Variants in TRIO observed in about 807,000 individuals in gnomAD.
TRIO encodes triple functional domain protein.
A neutral mutation model predicts 351.9 loss-of-function variants in TRIO; 58 were observed. That is an observed-to-expected ratio of 0.16 (90% CI 0.13 to 0.21). The LOEUF is 0.21. Ranked by LOEUF, TRIO falls within the 10% of genes least tolerant of loss-of-function variation. The pLI, the probability that TRIO is intolerant of heterozygous loss-of-function variation, is 1.00. For missense variants in TRIO, 3,201 were observed against 4,027.8 expected (o/e 0.79, Z 5.56); for synonymous variants, 1,758 against 1,595.7 (o/e 1.10, Z -2.42).
At chr5:14,462,026 T>C (rs2126502948) in intron 35 of TRIO, among the ~76,000 whole-genome samples, 1 of 152,344 alleles carries the variant, frequency 6.6e-6, no homozygotes, top group East Asian at 1.9e-4. Flanking sequence ...GTGGTGTCAA[T>C]GAGGGGTCCT....
At chr5:14,172,555 A>G (rs193226222) in intron 1 of TRIO, among the ~76,000 whole-genome samples, 44 of 152,306 alleles carry the variant, frequency 2.9e-4, no homozygotes, top group Admixed American at 5.2e-4. Flanking sequence ...TTAAACCAAA[A>G]CACAACTCTA....
chr5:14,474,298 T>G (rs1754888716), intron 40 of TRIO, among the ~76,000 whole-genome samples: 1 of 152,186 alleles, frequency 6.6e-6, no homozygotes, highest in South Asian at 2.1e-4. Flanking sequence ...TTGTCTCTTC[T>G]TCGTGCTGGT....
intron 2 of TRIO, among the ~76,000 whole-genome samples, chr5:14,271,881 G>T (rs1407623358): frequency 1.3e-5 from 2 of 152,136 alleles, no homozygotes; most frequent in Non-Finnish European, 2.9e-5. Context: ...TTCCTATGGT[G>T]TTTTTGCTAA....
chr5:14,506,645 G>A (rs1757708356), intron 55 of TRIO, among the ~76,000 whole-genome samples: 1 of 152,056 alleles, frequency 6.6e-6, no homozygotes, highest in Non-Finnish European at 1.5e-5. Flanking sequence ...TTTCAGAGGA[G>A]GAAGTCTTCT....
In TRIO at chr5:14,363,624, G is replaced by A. The variant is rs563883049; in HGVS notation, c.2392-108G>A. ...AACTCATGCATCTTAAGTGTTTGAC[G>A]TCTCTGTCCTTTGGCAGAGAGACAT... On this transcript the variant is annotated intron_variant, in intron 13 of 56. Transcript: ENST00000344204. 1.0e-4 allele frequency: 104 copies of A among 1,018,194 alleles called. 1 individual carries two copies. Among genetic ancestry groups the A allele is most frequent in the East Asian group, 6.3e-4 (26 of 41,398 alleles). The allele number at this position is 1,018,194 out of a possible 1,614,324, so 63.1% of individuals were successfully genotyped here. A position where few individuals can be genotyped will look rare whatever the true frequency, so the allele number is the denominator to read the frequency against.
At chr5:14,275,659 T>C (rs1735431566) in intron 2 of TRIO, among the ~76,000 whole-genome samples, 1 of 151,734 alleles carries the variant, frequency 6.6e-6, no homozygotes, top group African/African-American at 2.4e-5. Context: ...TTTCATCTTC[T>C]TCTCCCCGAG....
At chr5:14,488,721 G>A (rs750756164) in intron 48 of TRIO, 17 of 575,992 alleles carry the variant, frequency 3.0e-5, no homozygotes, top group Non-Finnish European at 5.3e-5. Context: ...CTCATCTGCT[G>A]GGGAAGACCA....
At chr5:14,230,342 G>T (rs1222709665) in intron 1 of TRIO, among the ~76,000 whole-genome samples, 1 of 14,388 alleles carries the variant, frequency 7.0e-5, no homozygotes, top group Non-Finnish European at 5.0e-4. Context: ...CAAGATGTTT[G>T]TGTGTGTGTG....
At chr5:14,235,842 T>A (rs913098928) in intron 1 of TRIO, among the ~76,000 whole-genome samples, 2 of 152,142 alleles carry the variant, frequency 1.3e-5, no homozygotes, top group African/African-American at 2.4e-5. Flanking sequence ...AAATTTTTTT[T>A]ATTAGAGTTG....
chr5:14,452,429 A>G (rs1171612853), intron 34 of TRIO, among the ~76,000 whole-genome samples: 1 of 152,224 alleles, frequency 6.6e-6, no homozygotes, highest in Non-Finnish European at 1.5e-5. Flanking sequence ...TTACACATCA[A>G]GAAACTGAAG....
At chr5:14,340,279 C>T (rs972916614) in intron 11 of TRIO, among the ~76,000 whole-genome samples, 1 of 152,100 alleles carries the variant, frequency 6.6e-6, no homozygotes, top group Middle Eastern at 3.4e-3. Flanking sequence ...CGCCTGTAGT[C>T]CCAGCTACTT....
At chr5:14,298,462 C>T (rs1283558879) in intron 7 of TRIO, among the ~76,000 whole-genome samples, 1 of 152,100 alleles carries the variant, frequency 6.6e-6, no homozygotes, top group African/African-American at 2.4e-5. Context: ...GTATATCTTC[C>T]TCAGGGTTAA....
chr5:14,335,404 T>C (rs1741302338), intron 10 of TRIO, among the ~76,000 whole-genome samples: 1 of 152,054 alleles, frequency 6.6e-6, no homozygotes, highest in Non-Finnish European at 1.5e-5. Context: ...TCCTGGGCCT[T>C]CTTAGAAGGC....
chr5:14,152,796 C>T (rs115493596), intron 1 of TRIO, among the ~76,000 whole-genome samples: 40 of 152,336 alleles, frequency 2.6e-4, no homozygotes, highest in Middle Eastern at 3.4e-3. Flanking sequence ...CTTTTACTCA[C>T]GTGCCAATTC....
At chr5:14,268,692 CCCT>C (rs1795828433) in intron 1 of TRIO, among the ~76,000 whole-genome samples, 1 of 152,190 alleles carries the variant, frequency 6.6e-6, no homozygotes, top group Non-Finnish European at 1.5e-5. Context: ...GTGATCTGTC[CCCT>C]CCTCATTTGC....
At position 14,498,505 on chromosome 5, in the gene TRIO, C is replaced by G. The variant is rs776314688; in HGVS notation, c.8211-14C>G. 2.5e-6 allele frequency: 4 copies of G among 1,612,560 alleles called. No individual in the cohort carries two copies. Among genetic ancestry groups the G allele is most frequent in the Non-Finnish European group, 2.5e-6 (3 of 1,178,872 alleles). On this transcript the variant is annotated splice_polypyrimidine_tract_variant and intron_variant, in intron 52 of 56. Coordinates refer to ENST00000344204, the MANE Select transcript of TRIO (RefSeq NM_007118.4). Reference sequence around the variant, plus strand: ...GCTTTTCTGATGCGCAGTGTGTTCCCATCTGTGCCGCAGTGACCTGGGAGA... The same window carrying G: ...GCTTTTCTGATGCGCAGTGTGTTCCGATCTGTGCCGCAGTGACCTGGGAGA...
intron 1 of TRIO, among the ~76,000 whole-genome samples, chr5:14,241,383 G>A (rs531753567): frequency 6.6e-6 from 1 of 152,170 alleles, no homozygotes; most frequent in Non-Finnish European, 1.5e-5. Context: ...TAATCTGTTA[G>A]TAATTGTTTG....
intron 33 of TRIO, among the ~76,000 whole-genome samples, chr5:14,409,642 G>T (rs1749019956): frequency 6.6e-6 from 1 of 151,928 alleles, no homozygotes; most frequent in African/African-American, 2.4e-5. Context: ...AGACCATCCT[G>T]GCTAACATGG....
At position 14,502,699 on chromosome 5, in the gene TRIO, G is replaced by A. The variant is rs60886761; in HGVS notation, c.8411+42G>A. Reference sequence around the variant, plus strand: ...AGAACGCCTTCCGAAAGAGCAGAGCGTGGGGAAGACATACCAGAGAGTGCA... The same window carrying A: ...AGAACGCCTTCCGAAAGAGCAGAGCATGGGGAAGACATACCAGAGAGTGCA... On this transcript the variant is annotated intron_variant, in intron 54 of 56. Transcript: ENST00000344204. 8.0e-4 allele frequency: 1,278 copies of A among 1,588,556 alleles called. 16 individuals are homozygous for A. In the African/African-American group the frequency reaches 0.015, roughly 18 times the overall value.
Sources: allele counts gnomAD v4.1 joint callset (sites outside exome capture counted in the v4.1 genomes callset), GRCh38; gene constraint gnomAD v4.1.1; transcripts MANE v1.5; gene names NCBI Gene and HGNC (gene_info 2026-07-23, HGNC 2026-07-21).